Variants in VDAC2 observed in about 807,000 individuals in gnomAD.
The protein encoded by VDAC2 is non-selective voltage-gated ion channel VDAC2.
VDAC2 carries 6 observed loss-of-function variants against 36.6 expected under a neutral mutation model. That is an observed-to-expected ratio of 0.16 (90% CI 0.09 to 0.32). The LOEUF is 0.32. Ranked by LOEUF, VDAC2 falls within the 10% of genes least tolerant of loss-of-function variation. The pLI, the probability that VDAC2 is intolerant of heterozygous loss-of-function variation, is 1.00. For synonymous variants in VDAC2, 109 were observed against 123.8 expected, an observed-to-expected ratio of 0.88 and a Z score of 0.79; for missense variants, 247 against 346.0, an observed-to-expected ratio of 0.71 and a Z score of 2.27.
In VDAC2 at chr10:75,222,349, A is replaced by G. The variant is rs1216421406; in HGVS notation, c.682A>G (p.Thr228Ala). ...NLAWTSGTNC[T>A]RFGIAAKYQL... is the part of the protein sequence containing the mutation. ...TGCTTGGACATCAGGTACCAACTGC[A>G]CTCGTTTTGGCATTGCAGCTAAATA... Residue 228 changes from threonine (T) to alanine (A), a missense_variant, in exon 8 of 10, where the codon ACT becomes GCT. Transcript: ENST00000332211. 2.5e-6 allele frequency: 4 copies of G among 1,614,016 alleles called. No homozygotes were observed. Among genetic ancestry groups the G allele is most frequent in the East Asian group, 2.2e-5 (1 of 44,890 alleles).
intron 4 of VDAC2, among the ~76,000 whole-genome samples, chr10:75,216,146 G>A (rs1259730760): frequency 2.0e-5 from 3 of 152,208 alleles, no homozygotes; most frequent in Non-Finnish European, 4.4e-5. Flanking sequence ...ACAGGTTACA[G>A]AGCAGTGATT....
intron 6 of VDAC2, 74 bp from the exon 7 acceptor site, chr10:75,220,669 A>G: frequency 7.6e-7 from 1 of 1,309,956 alleles, no homozygotes; most frequent in South Asian, 1.4e-5. Flanking sequence ...AGTTTATTTA[A>G]GTCTGTTTTG....
chr10:75,218,463 C>T (rs1187074831), intron 4 of VDAC2, among the ~76,000 whole-genome samples: 1 of 152,110 alleles, frequency 6.6e-6, no homozygotes, highest in African/African-American at 2.4e-5. Flanking sequence ...CAAAACCTTC[C>T]TTAAAAGATG....
chr10:75,230,866 T>A, intron 9 of VDAC2, 32 bp from the exon 10 acceptor site: 1 of 1,593,810 alleles, frequency 6.3e-7, no homozygotes, highest in Non-Finnish European at 8.6e-7. Flanking sequence ...TACATCACGG[T>A]TTTTTGTTTT....
In VDAC2 at chr10:75,217,861, C is replaced by G. The variant is rs550414347; in HGVS notation, c.151-1202C>G. Reference sequence around the variant, plus strand: ...TGACTGGCCTTTCCTCCTATTGATACAATTTTTGATATTTCTCACTCTACA... The same window carrying G: ...TGACTGGCCTTTCCTCCTATTGATAGAATTTTTGATATTTCTCACTCTACA... On this transcript the variant is annotated intron_variant, in intron 4 of 9. Transcript: ENST00000332211. 74 of 1,235,824 alleles carry G rather than the reference C, an allele frequency of 6.0e-5. 1 individual carries two copies. The South Asian group carries it at 6.3e-4, about 11-fold the overall frequency. The allele number at this position is 1,235,824 out of a possible 1,614,324, so 76.6% of individuals were successfully genotyped here. A position where few individuals can be genotyped will look rare whatever the true frequency, so the allele number is the denominator to read the frequency against.
chr10:75,221,721 G>T (rs1841819920), intron 7 of VDAC2, among the ~76,000 whole-genome samples: 1 of 151,934 alleles, frequency 6.6e-6, no homozygotes, highest in Non-Finnish European at 1.5e-5. Context: ...CGATCCTCCC[G>T]CCTCAGCCTT....
chr10:75,226,451 GTTTTTTTTT>G (rs147954706), intron 8 of VDAC2, among the ~76,000 whole-genome samples: 1 of 100,894 alleles, frequency 9.9e-6, no homozygotes, highest in East Asian at 3.3e-4. Flanking sequence ...TCTTTTGTGG[GTTTTTTTTT>G]TTTTTTTTTT....
chr10:75,211,583 A>G, intron 2 of VDAC2: 4 of 1,550,630 alleles, frequency 2.6e-6, no homozygotes, highest in Non-Finnish European at 3.5e-6. Context: ...TTGTGGAATG[A>G]ATGAGCTGGT....
In VDAC2 at chr10:75,222,167, T is replaced by C. The variant is rs1020381694; in HGVS notation, c.585-85T>C. ...ACCCACTTGAGCTGTGGTTTTTTAT[T>C]TAAATGTAATGCTACAAATCAGCCT... On this transcript the variant is annotated intron_variant, in intron 7 of 9. Transcript: ENST00000332211. The C allele has an allele frequency of 6.4e-6, 9 of 1,401,116 alleles. No homozygotes were observed. The Admixed American group carries it at 2.0e-4, about 30-fold the overall frequency. 86.8% of individuals were successfully genotyped at this position (1,401,116 alleles called of 1,614,324 possible). A position where few individuals can be genotyped will look rare whatever the true frequency, so the allele number is the denominator to read the frequency against.
intron 4 of VDAC2, among the ~76,000 whole-genome samples, 159 bp downstream of exon 4, chr10:75,214,229 T>C (rs943251569): frequency 3.3e-5 from 5 of 152,248 alleles, no homozygotes; most frequent in African/African-American, 4.8e-5. Context: ...ATTTTGGCCT[T>C]GAATGTGATT....
In VDAC2 at chr10:75,211,129, C is replaced by T. The variant is rs1366253754; in HGVS notation, c.-25-5C>T. 6.8e-6 allele frequency: 11 copies of T among 1,607,264 alleles called. No individual in the cohort carries two copies. Among genetic ancestry groups the T allele is most frequent in the South Asian group, 3.3e-5 (3 of 89,950 alleles). The stretch of plus-strand genomic sequence containing the variant: ...AGCTTACCGCACTTCTTGTCCCTCC[C>T]GCAGATTCCCCTCTTCCCGCGGCCT... On this transcript the variant is annotated splice_polypyrimidine_tract_variant and splice_region_variant and intron_variant, in intron 1 of 9. Transcript: ENST00000332211.
At chr10:75,220,414 C>T (rs1175020537) in intron 6 of VDAC2, among the ~76,000 whole-genome samples, 1 of 152,222 alleles carries the variant, frequency 6.6e-6, no homozygotes, top group African/African-American at 2.4e-5. Flanking sequence ...TGGCCCATAT[C>T]TGCTTTTAGA....
chr10:75,221,270 T>G (rs1841805061), intron 7 of VDAC2, among the ~76,000 whole-genome samples: 1 of 152,232 alleles, frequency 6.6e-6, no homozygotes, highest in African/African-American at 2.4e-5. Context: ...TTAATTATTT[T>G]GATGTGTGAG....
intron 8 of VDAC2, chr10:75,229,402 G>A (rs1238610735): frequency 5.7e-6 from 2 of 348,986 alleles, no homozygotes; most frequent in African/African-American, 4.3e-5. Context: ...GGACAGTTTG[G>A]GGTCTTTGGA....
chr10:75,218,497 T>TA (rs2132263372), intron 4 of VDAC2, among the ~76,000 whole-genome samples: 1 of 152,178 alleles, frequency 6.6e-6, no homozygotes, highest in African/African-American at 2.4e-5. Context: ...GGTGGTGGCT[T>TA]ACGTTTGTAA....
chr10:75,218,155 G>T, intron 4 of VDAC2: 1 of 346,608 alleles, frequency 2.9e-6, no homozygotes, highest in Non-Finnish European at 5.7e-6. Flanking sequence ...TGCAACCAGG[G>T]ATTGGCACAT....
chr10:75,222,627 T>C (rs1426252747), intron 8 of VDAC2, among the ~76,000 whole-genome samples: 1 of 152,224 alleles, frequency 6.6e-6, no homozygotes, highest in East Asian at 1.9e-4. Context: ...GCCGAGTTAA[T>C]GTTGATGATA....
intron 8 of VDAC2, 39 bp downstream of exon 8, chr10:75,222,441 G>A: frequency 1.2e-6 from 2 of 1,610,686 alleles, no homozygotes; most frequent in South Asian, 1.1e-5. Flanking sequence ...GGTTTTGGTT[G>A]TGGGAATGAG....
At chr10:75,227,140 G>C (rs749019301) in intron 8 of VDAC2, among the ~76,000 whole-genome samples, 1 of 152,176 alleles carries the variant, frequency 6.6e-6, no homozygotes, top group Non-Finnish European at 1.5e-5. Flanking sequence ...AGATATATAA[G>C]TATCTTTTCA....
Sources: allele counts gnomAD v4.1 joint callset (sites outside exome capture counted in the v4.1 genomes callset), GRCh38; gene constraint gnomAD v4.1.1; transcripts MANE v1.5; gene names NCBI Gene and HGNC (gene_info 2026-07-23, HGNC 2026-07-21).